EGFLAM: variants seen among roughly 807,000 people sequenced by gnomAD.
EGFLAM encodes pikachurin.
EGFLAM carries 79 observed loss-of-function variants against 113.1 expected under a neutral mutation model. The ratio of observed to expected loss-of-function variants is 0.70; its 90% confidence interval spans 0.58 to 0.84. The LOEUF (loss-of-function observed/expected upper bound fraction) is 0.84, where lower values mean the gene tolerates loss of function less well. Ranked by LOEUF, EGFLAM falls within the 40% of genes least tolerant of loss-of-function variation. EGFLAM has a pLI of 0.00. For synonymous variants in EGFLAM, 504 were observed against 487.6 expected (o/e 1.03, Z -0.44); for missense variants, 1,265 against 1,291.6 (o/e 0.98, Z 0.32).
At chr5:38,438,480 GC>G (rs1742431242) in intron 17 of EGFLAM, 25 bp downstream of exon 17, 3 of 1,548,262 alleles carry the variant, frequency 1.9e-6, no homozygotes, top group Non-Finnish European at 2.6e-6. Context: ...CTGAGGCACA[GC>G]TCCCTGGAGG....
At chr5:38,341,121 C>G (rs1739325631) in intron 3 of EGFLAM, among the ~76,000 whole-genome samples, 1 of 152,154 alleles carries the variant, frequency 6.6e-6, no homozygotes. Context: ...GGCTCTGCAG[C>G]AGGCTCACAT....
At chr5:38,329,420 G>C (rs1738983300) in intron 1 of EGFLAM, among the ~76,000 whole-genome samples, 1 of 152,068 alleles carries the variant, frequency 6.6e-6, no homozygotes, top group South Asian at 2.1e-4. Flanking sequence ...GAATATTTTT[G>C]TTATTGGGTC....
chr5:38,312,573 A>C (rs1444812529), intron 1 of EGFLAM, among the ~76,000 whole-genome samples: 3 of 152,130 alleles, frequency 2.0e-5, no homozygotes, highest in African/African-American at 7.2e-5. Context: ...CAGGGATGAT[A>C]ATAACACCTA....
intron 1 of EGFLAM, among the ~76,000 whole-genome samples, chr5:38,323,716 C>A (rs543815817): frequency 6.6e-6 from 1 of 151,736 alleles, no homozygotes; most frequent in East Asian, 1.9e-4. Flanking sequence ...CACAAGACTT[C>A]AGAATTATAA....
At chr5:38,382,917 A>G (rs537235715) in intron 6 of EGFLAM, among the ~76,000 whole-genome samples, 14 of 152,304 alleles carry the variant, frequency 9.2e-5, no homozygotes, top group Admixed American at 2.6e-4. Context: ...AGTGGAATGT[A>G]TCTCCCATCA....
intron 1 of EGFLAM, among the ~76,000 whole-genome samples, chr5:38,337,153 G>A (rs1434662952): frequency 1.3e-5 from 2 of 152,148 alleles, no homozygotes; most frequent in Non-Finnish European, 2.9e-5. Context: ...ATATGCTATT[G>A]AGTAAATACA....
intron 6 of EGFLAM, among the ~76,000 whole-genome samples, chr5:38,400,736 G>T (rs1238129599): frequency 6.6e-6 from 1 of 152,098 alleles, no homozygotes; most frequent in Non-Finnish European, 1.5e-5. Flanking sequence ...GAGGGAGTTT[G>T]GGATGCTGCA....
At chr5:38,289,118 C>G (rs1187082342) in intron 1 of EGFLAM, among the ~76,000 whole-genome samples, 1 of 152,168 alleles carries the variant, frequency 6.6e-6, no homozygotes, top group Non-Finnish European at 1.5e-5. Flanking sequence ...AAACCAGCCT[C>G]CCTGACACCC....
intron 20 of EGFLAM, 185 bp from the exon 21 acceptor site, chr5:38,462,723 A>T (rs896732394): frequency 6.5e-5 from 39 of 600,576 alleles, no homozygotes; most frequent in Middle Eastern, 9.4e-4. Context: ...TGTCTTCCTC[A>T]GTAGACCACA....
chr5:38,463,253 T>C (rs1354852024), intron 21 of EGFLAM, among the ~76,000 whole-genome samples: 1 of 152,316 alleles, frequency 6.6e-6, no homozygotes, highest in Non-Finnish European at 1.5e-5. Flanking sequence ...TTTTCTTGTT[T>C]ATAGAACAGG....
rs766677758 is a variant in EGFLAM at position 38,431,311 on chromosome 5, C to T, written c.2166+23C>T. ...GAGGTAAGAACAGTACACCTTTTCT[C>T]TTGATGGTTAGTGTGAGCCAGATTA... On this transcript the variant is annotated intron_variant, in intron 15 of 21. Transcript: ENST00000322350. 5.6e-6 allele frequency: 9 copies of T among 1,603,874 alleles called. No individual in the cohort carries two copies. The African/African-American group carries it at 1.2e-4, about 21-fold the overall frequency.
intron 1 of EGFLAM, among the ~76,000 whole-genome samples, chr5:38,276,782 T>G (rs930610195): frequency 2.6e-5 from 4 of 152,058 alleles, no homozygotes; most frequent in African/African-American, 9.7e-5. Flanking sequence ...GAGACTCCTA[T>G]AAATAATTAT....
chr5:38,431,564 G>A (rs941002290), intron 15 of EGFLAM, among the ~76,000 whole-genome samples: 3 of 152,190 alleles, frequency 2.0e-5, no homozygotes, highest in Admixed American at 6.5e-5. Flanking sequence ...TCACCTCTTC[G>A]CCTCCCAACT....
intron 17 of EGFLAM, among the ~76,000 whole-genome samples, chr5:38,439,871 C>T (rs1181573150): frequency 1.3e-5 from 2 of 152,168 alleles, no homozygotes; most frequent in African/African-American, 4.8e-5. Flanking sequence ...ACAGGAGCAT[C>T]CAATTTGTGC....
intron 1 of EGFLAM, among the ~76,000 whole-genome samples, chr5:38,322,025 C>T (rs1738756119): frequency 6.6e-6 from 1 of 152,220 alleles, no homozygotes. Flanking sequence ...ATATCCACTT[C>T]AAGAGGAGGC....
intron 1 of EGFLAM, among the ~76,000 whole-genome samples, chr5:38,303,980 T>TA (rs11380692): frequency 0.2 from 30,220 of 150,940 alleles, 3,840 homozygotes; most frequent in African/African-American, 0.35. Flanking sequence ...TACTAAAAAG[T>TA]AAAAAAAATT....
Position 38,315,325 on chromosome 5 carries a change from T to C in EGFLAM, c.98-22195T>C, listed in dbSNP as rs148012236. Among the ~76,000 whole-genome samples, 963 of 152,298 alleles carry C rather than the reference T, an allele frequency of 6.3e-3. 15 individuals carry two copies. Among genetic ancestry groups the C allele is most frequent in the African/African-American group, 0.022 (904 of 41,570 alleles). The stretch of plus-strand genomic sequence containing the variant: ...TTGCTTGTGCCAGAAAATAGACAAT[T>C]CATCACGCTTTATTGTGTCAGTCAT... On this transcript the variant is annotated intron_variant, in intron 1 of 21. Transcript: ENST00000322350.
At chr5:38,261,303 C>G (rs1032520776) in intron 1 of EGFLAM, among the ~76,000 whole-genome samples, 6 of 152,314 alleles carry the variant, frequency 3.9e-5, no homozygotes, top group Admixed American at 1.3e-4. Flanking sequence ...CCAAGACTTA[C>G]AAGAAATGAC....
intron 15 of EGFLAM, among the ~76,000 whole-genome samples, chr5:38,432,802 C>T (rs928719416): frequency 3.9e-5 from 6 of 152,288 alleles, no homozygotes; most frequent in Admixed American, 3.9e-4. Context: ...ACAGTATTTA[C>T]TATTAGGATC....
Sources: gnomAD v4.1 joint callset for allele counts (sites outside exome capture counted in the v4.1 genomes callset) on GRCh38, gnomAD v4.1.1 for gene constraint, MANE v1.5 for transcripts, NCBI Gene and HGNC (gene_info 2026-07-23, HGNC 2026-07-21) for gene names.